SNTG2: variants seen among roughly 807,000 people sequenced by gnomAD.
SNTG2 encodes the protein syntrophin gamma 2.
A neutral mutation model predicts 70.9 loss-of-function variants in SNTG2; 74 were observed. The observed-to-expected ratio is 1.04, with a 90% CI of 0.86 to 1.27. The LOEUF is 1.27. SNTG2 is among the 50% of genes most tolerant of loss of function. The pLI is 0.00. For synonymous variants in SNTG2, 278 were observed against 273.8 expected (o/e 1.02, Z -0.15); for missense variants, 717 against 690.7 (o/e 1.04, Z -0.43).
chr2:1,181,054 CTG>C (rs1671853593), intron 8 of SNTG2, among the ~76,000 whole-genome samples: 1 of 151,930 alleles, frequency 6.6e-6, no homozygotes, highest in Admixed American at 6.6e-5. Context: ...ACATCAAACT[CTG>C]GGGACTGTAG....
rs546386277 is a variant in SNTG2, at chr2:1,112,149, A to T, written c.325+13739A>T. 2.6e-5 allele frequency among the ~76,000 whole-genome samples: 4 copies of T among 151,584 alleles called. No homozygotes were observed. The South Asian group carries it at 8.4e-4, about 32-fold the overall frequency. The stretch of plus-strand genomic sequence containing the variant: ...GTATACTAAGTGAGGTTTAAGCCTT[A>T]CACTGCTTTGAGAAGGATCGTGTGT... On this transcript the variant is annotated intron_variant, in intron 4 of 16. Transcript: ENST00000308624.
chr2:1,238,691 G>A (rs539779741), intron 10 of SNTG2, among the ~76,000 whole-genome samples: 3 of 152,224 alleles, frequency 2.0e-5, no homozygotes, highest in African/African-American at 7.2e-5. Flanking sequence ...AGGACTGGCC[G>A]TGCCTGGAGG....
At chr2:986,314 G>A (rs1558295446) in intron 1 of SNTG2, among the ~76,000 whole-genome samples, 1 of 152,182 alleles carries the variant, frequency 6.6e-6, no homozygotes, top group African/African-American at 2.4e-5. Context: ...TGTTTGGGAT[G>A]CAATGACAAA....
intron 14 of SNTG2, among the ~76,000 whole-genome samples, chr2:1,278,806 G>A (rs1443943309): frequency 6.6e-6 from 1 of 152,096 alleles, no homozygotes; most frequent in Non-Finnish European, 1.5e-5. Flanking sequence ...GGTCAAACGT[G>A]GTCCAAAGAT....
At position 1,211,907 on chromosome 2, in the gene SNTG2, ATG is replaced by A. The variant is rs1451541430; in HGVS notation, c.719+2681_719+2682del. 2.0e-5 allele frequency among the ~76,000 whole-genome samples: 3 copies of A among 152,298 alleles called. No individual in the cohort carries two copies. The East Asian group carries it at 5.8e-4, about 29-fold the overall frequency. On this transcript the variant is annotated intron_variant, in intron 9 of 16. Transcript: ENST00000308624. The stretch of plus-strand genomic sequence containing the variant: ...GCAGCTTGAGAACATGTAGAAACAC[ATG>A]TGTTATTCTTGGTGACAAAATATTT...
intron 2 of SNTG2, among the ~76,000 whole-genome samples, chr2:1,085,102 C>T (rs1225604513): frequency 2.0e-5 from 3 of 152,150 alleles, no homozygotes; most frequent in Admixed American, 6.5e-5. Flanking sequence ...GTAGATAAAT[C>T]GCATGTCTGC....
At chr2:1,082,695 G>A (rs573207558) in intron 1 of SNTG2, among the ~76,000 whole-genome samples, 3 of 152,346 alleles carry the variant, frequency 2.0e-5, no homozygotes, top group African/African-American at 7.2e-5. Context: ...AAGGCACTGG[G>A]CATGTGGCCG....
intron 4 of SNTG2, among the ~76,000 whole-genome samples, chr2:1,128,431 GTTA>G (rs1304542742): frequency 1.3e-5 from 2 of 152,036 alleles, no homozygotes; most frequent in African/African-American, 2.4e-5. Flanking sequence ...TTACCTTTGT[GTTA>G]TTATGGAAGT....
Position 1,118,732 on chromosome 2 carries a change from C to T in SNTG2, c.326-18890C>T, listed in dbSNP as rs144266507. Reference sequence around the variant, plus strand: ...CTCATTTGGGGAGGTGAATAGAAAACGGAATAAAAATAGTGAAGAAAGCCT... The same window carrying T: ...CTCATTTGGGGAGGTGAATAGAAAATGGAATAAAAATAGTGAAGAAAGCCT... On this transcript the variant is annotated intron_variant, in intron 4 of 16. Transcript: ENST00000308624. 1.2e-3 allele frequency among the ~76,000 whole-genome samples: 175 copies of T among 151,122 alleles called. 1 individual carries two copies. The highest frequency in any genetic ancestry group is 4.0e-3 in the African/African-American group (165 of 41,160).
intron 1 of SNTG2, among the ~76,000 whole-genome samples, chr2:1,034,807 C>T (rs1342214527): frequency 1.3e-5 from 2 of 152,182 alleles, no homozygotes; most frequent in South Asian, 2.1e-4. Context: ...AGTATTAGAT[C>T]ATTGAGGCAG....
intron 1 of SNTG2, among the ~76,000 whole-genome samples, chr2:1,018,028 A>G (rs895682822): frequency 3.3e-5 from 5 of 152,186 alleles, no homozygotes; most frequent in African/African-American, 1.2e-4. Flanking sequence ...AATTTCGTGC[A>G]TGTATCTGGC....
rs865939270 is a variant in SNTG2 at position 1,165,629 on chromosome 2, C to T, written c.493C>T (p.Pro165Ser). The T allele has an allele frequency of 1.9e-6, 3 of 1,611,408 alleles. No homozygotes were observed. The highest frequency in any genetic ancestry group is 2.2e-5 in the South Asian group (2 of 90,314). The change falls in exon 7 of 17, where the codon CCG becomes TCG. Residue 165 changes from proline to serine, a missense_variant. By Grantham distance (74) the Pro-to-Ser change is moderately conservative (BLOSUM62 -1). Coordinates refer to ENST00000308624, the MANE Select transcript of SNTG2 (RefSeq NM_018968.4). ...LREAPAFLKLPLGSPGPSSDH... is the reference protein window; with the variant it reads ...LREAPAFLKLSLGSPGPSSDH... ...GGAAGCGCCGGCATTTCTGAAGCTCCCGTTAGGTAAGTGGGAAGAGGAGAA... is the reference window on the plus strand; with the variant it reads ...GGAAGCGCCGGCATTTCTGAAGCTCTCGTTAGGTAAGTGGGAAGAGGAGAA...
intron 14 of SNTG2, among the ~76,000 whole-genome samples, chr2:1,289,654 A>G (rs1043386332): frequency 6.6e-6 from 1 of 152,230 alleles, no homozygotes; most frequent in African/African-American, 2.4e-5. Context: ...AATATACATC[A>G]CATAAAACGT....
chr2:1,186,037 G>T (rs1672224539), intron 8 of SNTG2, among the ~76,000 whole-genome samples: 1 of 152,124 alleles, frequency 6.6e-6, no homozygotes, highest in Non-Finnish European at 1.5e-5. Context: ...GCTAGAAGCA[G>T]CCAGGCCCCA....
At chr2:1,217,524 C>A (rs1387874789) in intron 9 of SNTG2, among the ~76,000 whole-genome samples, 2 of 152,194 alleles carry the variant, frequency 1.3e-5, no homozygotes, top group Non-Finnish European at 2.9e-5. Flanking sequence ...TGGGGCTTTC[C>A]CTCAAGTTCT....
At chr2:1,241,266 G>C (rs142546111) in intron 11 of SNTG2, among the ~76,000 whole-genome samples, 239 of 152,264 alleles carry the variant, frequency 1.6e-3, no homozygotes, top group Non-Finnish European at 2.5e-3. Flanking sequence ...GTCCTCTCCC[G>C]ACCCTCAGAG....
At chr2:1,349,345 C>A (rs1347214237) in intron 16 of SNTG2, among the ~76,000 whole-genome samples, 1 of 152,204 alleles carries the variant, frequency 6.6e-6, no homozygotes, top group Non-Finnish European at 1.5e-5. Context: ...GTCTTATGAG[C>A]ACCAGCTACA....
intron 1 of SNTG2, among the ~76,000 whole-genome samples, chr2:986,892 A>G (rs1308025850): frequency 2.0e-5 from 3 of 152,272 alleles, no homozygotes; most frequent in Non-Finnish European, 4.4e-5. Context: ...ATTTTATAGA[A>G]TATTCTCAAT....
At chr2:1,131,017 A>G (rs935703150) in intron 4 of SNTG2, among the ~76,000 whole-genome samples, 21 of 152,226 alleles carry the variant, frequency 1.4e-4, no homozygotes, top group Admixed American at 2.6e-4. Flanking sequence ...TGTAAATTCA[A>G]GCAATGATTA....
Sources: allele counts gnomAD v4.1 joint callset (sites outside exome capture counted in the v4.1 genomes callset), GRCh38; gene constraint gnomAD v4.1.1; transcripts MANE v1.5; gene names NCBI Gene and HGNC (gene_info 2026-07-23, HGNC 2026-07-21).